The following SLC25A13 variants were observed in gnomAD, a reference collection of about 807,000 sequenced individuals.
SLC25A13 encodes electrogenic aspartate/glutamate antiporter SLC25A13, mitochondrial.
In SLC25A13, 70 loss-of-function variants were observed where a neutral mutation model predicts 85.5. The ratio of observed to expected loss-of-function variants is 0.82; its 90% CI spans 0.68 to 1.00. The LOEUF (loss-of-function observed/expected upper bound fraction) is 1.00. SLC25A13 is among the 50% of genes least tolerant of loss of function. The probability of loss-of-function intolerance (pLI) is 0.00; values close to 1 mark genes in which losing one functional copy is unlikely to be tolerated. For missense variants in SLC25A13, 765 were observed against 819.8 expected (o/e 0.93, Z 0.82); for synonymous variants, 259 against 288.7 (o/e 0.90, Z 1.04).
intron 15 of SLC25A13, among the ~76,000 whole-genome samples, chr7:96,123,588 A>AG (rs1193441670): frequency 6.6e-6 from 1 of 152,186 alleles, no homozygotes; most frequent in Non-Finnish European, 1.5e-5. Context: ...AACTGATAGG[A>AG]GTTGTGGCGA....
chr7:96,296,339 A>G (rs969651523), intron 2 of SLC25A13, among the ~76,000 whole-genome samples: 1 of 152,092 alleles, frequency 6.6e-6, no homozygotes, highest in African/African-American at 2.4e-5. Context: ...TGAATACTCC[A>G]GCAACCGCTT....
At chr7:96,178,546 T>C (rs539450466) in intron 11 of SLC25A13, among the ~76,000 whole-genome samples, 1 of 152,288 alleles carries the variant, frequency 6.6e-6, no homozygotes, top group African/African-American at 2.4e-5. Flanking sequence ...TTGTGTTATC[T>C]AGTTTCCACC....
At chr7:96,263,725 T>C (rs1797942348) in intron 3 of SLC25A13, among the ~76,000 whole-genome samples, 1 of 152,178 alleles carries the variant, frequency 6.6e-6, no homozygotes, top group South Asian at 2.1e-4. Context: ...TCCTTCAATA[T>C]ACTGATCCTT....
intron 3 of SLC25A13, among the ~76,000 whole-genome samples, chr7:96,245,669 A>G (rs1303620016): frequency 1.3e-5 from 2 of 152,234 alleles, no homozygotes; most frequent in African/African-American, 4.8e-5. Flanking sequence ...ATATTTTGAG[A>G]TCTACCAAAG....
At chr7:96,280,586 G>A (rs962947126) in intron 2 of SLC25A13, among the ~76,000 whole-genome samples, 10 of 152,032 alleles carry the variant, frequency 6.6e-5, no homozygotes, top group Admixed American at 1.3e-4. Context: ...AGGGTAACGT[G>A]CACCTGTAGT....
chr7:96,194,344 G>T (rs994603180), intron 5 of SLC25A13, among the ~76,000 whole-genome samples: 1 of 148,850 alleles, frequency 6.7e-6, no homozygotes, highest in Non-Finnish European at 1.5e-5. Flanking sequence ...TGGGAGACTG[G>T]GGTGAGAGGA....
At chr7:96,131,316 T>C (rs190745214) in intron 15 of SLC25A13, among the ~76,000 whole-genome samples, 22 of 152,370 alleles carry the variant, frequency 1.4e-4, no homozygotes, top group African/African-American at 4.1e-4. Context: ...CTGGTTCTAC[T>C]ACATTTCTTT....
Position 96,184,376 on chromosome 7 carries a change from G to A in SLC25A13, c.1078C>T (p.Arg360Ter), listed in dbSNP as rs80338721. 2.0e-5 allele frequency: 32 copies of A among 1,614,142 alleles called. No homozygotes were observed. Among genetic ancestry groups the A allele is most frequent in the East Asian group, 4.5e-5 (2 of 44,868 alleles). The change falls in exon 11 of 18, where the codon CGA becomes TGA. Residue 360 changes from arginine (R) to a stop codon, truncating the protein, a stop_gained. Coordinates refer to ENST00000265631, the MANE Select transcript of SLC25A13 (RefSeq NM_014251.3). LOFTEE classifies it high-confidence loss of function. ...TCTCCCACAAAAGAGCCAGTTGATC[G>A]TTGGTTCTGCATTCGAGTTTTTACA... ...DLVKTRMQNQ[R>*]STGSFVGELM...
At chr7:96,142,588 G>C (rs1466650463) in intron 14 of SLC25A13, among the ~76,000 whole-genome samples, 3 of 151,998 alleles carry the variant, frequency 2.0e-5, no homozygotes, top group African/African-American at 4.8e-5. Flanking sequence ...TAAAATTTTT[G>C]AAAGAGAAAT....
At chr7:96,264,575 C>T (rs1482776473) in intron 3 of SLC25A13, among the ~76,000 whole-genome samples, 1 of 152,068 alleles carries the variant, frequency 6.6e-6, no homozygotes, top group Non-Finnish European at 1.5e-5. Context: ...CCCCACAGAG[C>T]TTTTATTTAT....
At chr7:96,312,344 G>GATAT (rs1799980737) in intron 1 of SLC25A13, among the ~76,000 whole-genome samples, 1 of 152,166 alleles carries the variant, frequency 6.6e-6, no homozygotes, top group African/African-American at 2.4e-5. Context: ...TGCATTAGTA[G>GATAT]ATATAAAGTG....
chr7:96,231,613 A>T (rs1260162795), intron 4 of SLC25A13, among the ~76,000 whole-genome samples: 1 of 151,894 alleles, frequency 6.6e-6, no homozygotes, highest in East Asian at 1.9e-4. Context: ...AGTCCCAGGC[A>T]CTCGAGAAAC....
At chr7:96,300,083 AAC>A (rs1562916453) in intron 1 of SLC25A13, among the ~76,000 whole-genome samples, 1 of 152,148 alleles carries the variant, frequency 6.6e-6, no homozygotes, top group Non-Finnish European at 1.5e-5. Flanking sequence ...AATTTCTCCT[AAC>A]AGTGTGTAGT....
At chr7:96,224,103 TC>T (rs1264351484) in intron 4 of SLC25A13, among the ~76,000 whole-genome samples, 2 of 152,134 alleles carry the variant, frequency 1.3e-5, no homozygotes, top group Non-Finnish European at 2.9e-5. Flanking sequence ...TCACAACATG[TC>T]TGTACCAACC....
chr7:96,282,384 A>T (rs1176770078), intron 2 of SLC25A13, among the ~76,000 whole-genome samples: 1 of 152,198 alleles, frequency 6.6e-6, no homozygotes, highest in Non-Finnish European at 1.5e-5. Context: ...TCATCCAGCT[A>T]CCCATTTTGT....
chr7:96,265,977 C>G (rs1168924305), intron 3 of SLC25A13, among the ~76,000 whole-genome samples: 2 of 152,142 alleles, frequency 1.3e-5, no homozygotes, highest in African/African-American at 4.8e-5. Context: ...TCTGTGAGAG[C>G]AGAGCCCTCA....
intron 11 of SLC25A13, among the ~76,000 whole-genome samples, chr7:96,179,333 AT>A (rs977461929): frequency 6.6e-6 from 1 of 152,120 alleles, no homozygotes; most frequent in African/African-American, 2.4e-5. Context: ...ATAAATTATC[AT>A]TTTTGAGGTG....
chr7:96,259,108 C>T (rs1035227277), intron 3 of SLC25A13, among the ~76,000 whole-genome samples: 27 of 152,104 alleles, frequency 1.8e-4, no homozygotes, highest in Admixed American at 6.6e-5. Context: ...ACCATAAAAA[C>T]CCTAGAAGAA....
At chr7:96,174,830 G>A (rs1562816103) in intron 11 of SLC25A13, among the ~76,000 whole-genome samples, 1 of 152,168 alleles carries the variant, frequency 6.6e-6, no homozygotes, top group Non-Finnish European at 1.5e-5. Flanking sequence ...AATGCATTGT[G>A]AACGGCAAAA....
Sources: gnomAD v4.1 joint callset for allele counts (sites outside exome capture counted in the v4.1 genomes callset) on GRCh38, gnomAD v4.1.1 for gene constraint, MANE v1.5 for transcripts, NCBI Gene and HGNC (gene_info 2026-07-23, HGNC 2026-07-21) for gene names.